Variants in USP32 observed in about 807,000 individuals in gnomAD.
USP32 encodes the protein ubiquitin specific peptidase 32.
In USP32, 59 loss-of-function variants were observed where a neutral mutation model predicts 204.8. The observed-to-expected ratio is 0.29, with a 90% CI of 0.23 to 0.36. The LOEUF (loss-of-function observed/expected upper bound fraction) is 0.36. Among genes scored for constraint, USP32 ranks in the 10% least tolerant of loss-of-function variants. The probability of loss-of-function intolerance (pLI) is 1.00; values close to 1 mark genes in which losing one functional copy is unlikely to be tolerated. For synonymous variants in USP32, 517 were observed against 678.4 expected, an observed-to-expected ratio of 0.76 and a Z score of 3.70; for missense variants, 1,160 against 1,946.4, an observed-to-expected ratio of 0.60 and a Z score of 7.60.
chr17:60,332,917 G>T (rs927833663), intron 2 of USP32, among the ~76,000 whole-genome samples: 3 of 151,992 alleles, frequency 2.0e-5, no homozygotes, highest in African/African-American at 7.2e-5. Context: ...ATTTTACAAA[G>T]AAGTAAAAAG....
chr17:60,224,726 T>C (rs2145579964), intron 13 of USP32, among the ~76,000 whole-genome samples: 1 of 152,306 alleles, frequency 6.6e-6, no homozygotes, highest in East Asian at 1.9e-4. Context: ...GAGGTTACAG[T>C]GAGCTATGAT....
intron 1 of USP32, among the ~76,000 whole-genome samples, chr17:60,389,676 C>T (rs2089794817): frequency 6.6e-6 from 1 of 152,044 alleles, no homozygotes; most frequent in Admixed American, 6.5e-5. Context: ...TATCAACTTG[C>T]TGCTCTCTTT....
At chr17:60,241,776 T>C (rs943590787) in intron 11 of USP32, among the ~76,000 whole-genome samples, 3 of 152,234 alleles carry the variant, frequency 2.0e-5, no homozygotes, top group African/African-American at 4.8e-5. Context: ...GAATACTTTA[T>C]CATATATAAA....
chr17:60,330,354 C>T (rs76451923), intron 2 of USP32, among the ~76,000 whole-genome samples: 1 of 152,154 alleles, frequency 6.6e-6, no homozygotes, highest in African/African-American at 2.4e-5. Flanking sequence ...ACTTTATTAT[C>T]CATATTTTTC....
intron 2 of USP32, among the ~76,000 whole-genome samples, chr17:60,338,691 C>G (rs2088583296): frequency 6.6e-6 from 1 of 152,184 alleles, no homozygotes; most frequent in Middle Eastern, 3.2e-3. Flanking sequence ...AATTGCACCA[C>G]TGCACTCTAG....
rs1299340180 is a variant in USP32, at chr17:60,185,355, G to C, written c.3834+105C>G. On this transcript the variant is annotated intron_variant, in intron 30 of 33. Coordinates refer to ENST00000300896, the MANE Select transcript of USP32 (RefSeq NM_032582.4). Reference sequence around the variant, plus strand: ...TACAGAAAGTGTTTTAAACACTGCTGCAGGAAAGGTCTTATTCTCAAAAAT... The same window carrying C: ...TACAGAAAGTGTTTTAAACACTGCTCCAGGAAAGGTCTTATTCTCAAAAAT... The C allele has an allele frequency of 2.2e-6, 3 of 1,341,840 alleles. No homozygotes were observed. The African/African-American group carries it at 4.4e-5, about 20-fold the overall frequency. 83.1% of individuals were successfully genotyped at this position (1,341,840 alleles called of 1,614,324 possible).
intron 1 of USP32, among the ~76,000 whole-genome samples, chr17:60,404,418 G>T (rs907300753): frequency 2.0e-5 from 3 of 151,928 alleles, no homozygotes; most frequent in African/African-American, 7.3e-5. Flanking sequence ...TAAATATTTT[G>T]ATATTTTTAA....
intron 1 of USP32, among the ~76,000 whole-genome samples, chr17:60,379,044 G>A (rs2089601486): frequency 6.6e-6 from 1 of 152,084 alleles, no homozygotes; most frequent in African/African-American, 2.4e-5. Flanking sequence ...GAACTATTTT[G>A]AAAGTCTTTT....
At chr17:60,302,046 T>G (rs1447600826) in intron 2 of USP32, among the ~76,000 whole-genome samples, 1 of 152,192 alleles carries the variant, frequency 6.6e-6, no homozygotes, top group Non-Finnish European at 1.5e-5. Flanking sequence ...TGATTTGCAC[T>G]AGATGATTTT....
chr17:60,270,291 C>A (rs1284380374), intron 6 of USP32, among the ~76,000 whole-genome samples: 1 of 152,138 alleles, frequency 6.6e-6, no homozygotes, highest in Non-Finnish European at 1.5e-5. Context: ...TGCCCTGGCT[C>A]CCCTGACAAG....
At chr17:60,352,921 T>C (rs535061561) in intron 1 of USP32, among the ~76,000 whole-genome samples, 2 of 152,308 alleles carry the variant, frequency 1.3e-5, no homozygotes, top group Middle Eastern at 3.4e-3. Flanking sequence ...AAGAAAAAAA[T>C]GATCTTTGAT....
intron 2 of USP32, among the ~76,000 whole-genome samples, chr17:60,343,304 A>G (rs1042720823): frequency 2.6e-5 from 4 of 152,186 alleles, no homozygotes; most frequent in African/African-American, 7.2e-5. Context: ...AAGCAGACCT[A>G]ATAGAAATCT....
chr17:60,289,429 C>T (rs1479764588), intron 4 of USP32, among the ~76,000 whole-genome samples: 1 of 152,280 alleles, frequency 6.6e-6, no homozygotes, highest in East Asian at 1.9e-4. Flanking sequence ...AATTAAAATA[C>T]TCTTTAAATT....
At chr17:60,401,853 T>G (rs1407717420) in intron 1 of USP32, among the ~76,000 whole-genome samples, 2 of 152,130 alleles carry the variant, frequency 1.3e-5, no homozygotes, top group Non-Finnish European at 2.9e-5. Context: ...ACAAATCAAT[T>G]CATGCAAAAA....
intron 1 of USP32, among the ~76,000 whole-genome samples, chr17:60,375,313 A>T (rs2089518738): frequency 1.3e-5 from 2 of 152,136 alleles, no homozygotes. Context: ...GATTACTATG[A>T]TCCCTTTGAA....
At chr17:60,247,732 G>T (rs2086069822) in intron 11 of USP32, among the ~76,000 whole-genome samples, 1 of 151,876 alleles carries the variant, frequency 6.6e-6, no homozygotes, top group Non-Finnish European at 1.5e-5. Flanking sequence ...TGCCCAGGCT[G>T]GAGTGCAGTG....
chr17:60,363,324 G>A (rs376230220), intron 1 of USP32, among the ~76,000 whole-genome samples: 6 of 151,286 alleles, frequency 4.0e-5, no homozygotes, highest in Admixed American at 6.6e-5. Flanking sequence ...GCGTAGCGGC[G>A]TGCACCTGTA....
intron 5 of USP32, among the ~76,000 whole-genome samples, chr17:60,288,140 A>T (rs969568213): frequency 1.4e-5 from 2 of 144,568 alleles, no homozygotes; most frequent in Non-Finnish European, 3.0e-5. Flanking sequence ...AAAAAAAAAA[A>T]GTCTTGGCTG....
intron 1 of USP32, among the ~76,000 whole-genome samples, chr17:60,408,270 T>G (rs1485660443): frequency 6.6e-6 from 1 of 152,042 alleles, no homozygotes; most frequent in Non-Finnish European, 1.5e-5. Flanking sequence ...TATAACTATA[T>G]TTAAAGAAAA....
Sources: allele counts gnomAD v4.1 joint callset (sites outside exome capture counted in the v4.1 genomes callset), GRCh38; gene constraint gnomAD v4.1.1; transcripts MANE v1.5; gene names NCBI Gene and HGNC (gene_info 2026-07-23, HGNC 2026-07-21).